FRMPD4: variants seen among roughly 807,000 people sequenced by gnomAD.
The protein encoded by FRMPD4 is FERM and PDZ domain-containing protein 4.
FRMPD4 carries 22 observed loss-of-function variants against 94.1 expected under a neutral mutation model. The ratio of observed to expected loss-of-function variants is 0.23; its 90% CI spans 0.17 to 0.33. The LOEUF is 0.33. Ranked by LOEUF, FRMPD4 falls within the 10% of genes least tolerant of loss-of-function variation. The pLI is 1.00. For missense variants in FRMPD4, 1,111 were observed against 1,339.9 expected (o/e 0.83, Z 2.67); for synonymous variants, 631 against 548.6 (o/e 1.15, Z -2.10).
upstream of FRMPD4, among the ~76,000 whole-genome samples, chrX:12,133,475 A>G (rs1310649040): frequency 9.1e-6 from 1 of 110,376 alleles, no homozygotes; most frequent in Non-Finnish European, 1.9e-5. Flanking sequence ...CCCAGGCTGG[A>G]GTGCAGTAGC....
At chrX:12,483,919 C>T (rs2057714343) in intron 1 of FRMPD4, among the ~76,000 whole-genome samples, 1 of 111,400 alleles carries the variant, frequency 9.0e-6, no homozygotes, top group South Asian at 3.7e-4. Context: ...TAAGTATTAA[C>T]TTTAAGTAAA....
At chrX:12,475,149 T>G (rs1319177123) in intron 1 of FRMPD4, among the ~76,000 whole-genome samples, 1 of 112,211 alleles carries the variant, frequency 8.9e-6, no homozygotes, top group African/African-American at 3.2e-5. Flanking sequence ...GATGCAAGGC[T>G]GGTTCAACAT....
At chrX:12,635,199 A>T (rs1290924006) in intron 4 of FRMPD4, among the ~76,000 whole-genome samples, 1 of 111,774 alleles carries the variant, frequency 8.9e-6, no homozygotes, top group African/African-American at 3.2e-5. Flanking sequence ...CGTAACTAGT[A>T]AGAGCCTTTC....
rs191865399 is a variant in FRMPD4 at position 12,596,692 on chromosome X, C to A, written c.159-13029C>A. On this transcript the variant is annotated intron_variant, in intron 2 of 16. Transcript: ENST00000675598. The stretch of plus-strand genomic sequence containing the variant: ...CATTGACATGATCTGAAGATCCCTA[C>A]CCCTGGATCCTACCCAGTATCTCAG... Among the ~76,000 whole-genome samples, 13 of 110,989 alleles carry A rather than the reference C, an allele frequency of 1.2e-4. No homozygotes were observed. The East Asian group carries it at 3.7e-3, about 32-fold the overall frequency.
chrX:12,713,342 T>A (rs1280326060), intron 14 of FRMPD4, among the ~76,000 whole-genome samples: 1 of 111,493 alleles, frequency 9.0e-6, no homozygotes, highest in Non-Finnish European at 1.9e-5. Flanking sequence ...ACATAAGGTT[T>A]AATAGAACTT....
intron 1 of FRMPD4, among the ~76,000 whole-genome samples, chrX:12,418,648 G>A (rs986134593): frequency 2.7e-5 from 3 of 109,948 alleles, no homozygotes; most frequent in South Asian, 3.8e-4. Flanking sequence ...GTGAGTCACC[G>A]CACCTGGCCA....
At chrX:12,183,193 G>T (rs751135140) in intron 1 of FRMPD4, among the ~76,000 whole-genome samples, 1 of 111,482 alleles carries the variant, frequency 9.0e-6, no homozygotes, top group Non-Finnish European at 1.9e-5. Context: ...CACACCTGCC[G>T]AGATTCACAG....
intron 2 of FRMPD4, among the ~76,000 whole-genome samples, chrX:12,594,395 C>A (rs1377908542): frequency 9.0e-6 from 1 of 110,959 alleles, no homozygotes; most frequent in Non-Finnish European, 1.9e-5. Flanking sequence ...ATTGACTTTC[C>A]ACATAGATAC....
intron 3 of FRMPD4, among the ~76,000 whole-genome samples, chrX:11,906,159 T>TTTA (rs2053966831): frequency 3.0e-5 from 1 of 33,171 alleles, no homozygotes; most frequent in East Asian, 1.3e-3. Context: ...TTATTTATTT[T>TTTA]TCTTTTGAGA....
chrX:11,892,459 C>T (rs900043147), intron 3 of FRMPD4, among the ~76,000 whole-genome samples: 1 of 112,017 alleles, frequency 8.9e-6, no homozygotes, highest in Non-Finnish European at 1.9e-5. Flanking sequence ...AGTGGAATCC[C>T]TCTTGATCTT....
intron 1 of FRMPD4, among the ~76,000 whole-genome samples, chrX:12,353,227 C>T (rs2055842190): frequency 8.9e-6 from 1 of 111,869 alleles, no homozygotes; most frequent in Admixed American, 9.5e-5. Context: ...GGAATGTTCT[C>T]ACTGGTAGTA....
rs1207352563 is a variant in FRMPD4, at chrX:12,332,205, TATAGAGAGAG to T, written c.42-166473_42-166464del. Among the ~76,000 whole-genome samples, 535 of 65,967 alleles carry T rather than the reference TATAGAGAGAG, an allele frequency of 8.1e-3. 30 individuals are homozygous for T. The highest frequency in any genetic ancestry group is 0.032 in the African/African-American group (383 of 11,808). 57.3% of individuals were successfully genotyped at this position (65,967 alleles called of 115,157 possible). On this transcript the variant is annotated intron_variant, in intron 1 of 16. Coordinates refer to ENST00000675598, the MANE Select transcript of FRMPD4 (RefSeq NM_001368397.1). ...AATTTATATTTTATATATATATATA[TATAGAGAGAG>T]AGAGAGAGAGAGAGAGAGAGAGAGA...
intron 2 of FRMPD4, among the ~76,000 whole-genome samples, chrX:12,547,108 T>C (rs1393515219): frequency 1.9e-5 from 2 of 107,778 alleles, no homozygotes; most frequent in Non-Finnish European, 1.9e-5. Context: ...CATGTAAATA[T>C]GGCAAGACCT....
At chrX:11,968,598 G>C (rs770758784) in intron 3 of FRMPD4, among the ~76,000 whole-genome samples, 1 of 111,080 alleles carries the variant, frequency 9.0e-6, no homozygotes, top group Non-Finnish European at 1.9e-5. Flanking sequence ...TCAATCCCCC[G>C]TATGGCCTGC....
At chrX:12,179,964 A>C (rs745665678) in intron 1 of FRMPD4, among the ~76,000 whole-genome samples, 3 of 109,324 alleles carry the variant, frequency 2.7e-5, no homozygotes, top group African/African-American at 1.0e-4. Flanking sequence ...ATTAACTGTC[A>C]TGGATAATAC....
chrX:11,927,483 C>G (rs2054095789), intron 3 of FRMPD4, among the ~76,000 whole-genome samples: 1 of 111,720 alleles, frequency 9.0e-6, no homozygotes, highest in Non-Finnish European at 1.9e-5. Flanking sequence ...CATCACACTA[C>G]CCAACATCAA....
At chrX:12,515,064 T>C (rs775524473) in intron 2 of FRMPD4, among the ~76,000 whole-genome samples, 2 of 112,104 alleles carry the variant, frequency 1.8e-5, no homozygotes, top group East Asian at 5.6e-4. Flanking sequence ...AGTGGTGATA[T>C]CCCCTTTATT....
intron 1 of FRMPD4, among the ~76,000 whole-genome samples, chrX:12,480,333 G>GAAAAAAAAAAA (rs35074731): frequency 9.9e-4 from 54 of 54,605 alleles, no homozygotes; most frequent in African/African-American, 1.7e-3. Flanking sequence ...GAAAAGAAAT[G>GAAAAAAAAAAA]AAAAAAAAAA....
intron 5 of FRMPD4, among the ~76,000 whole-genome samples, chrX:12,677,882 A>T (rs1029080039): frequency 1.9e-4 from 21 of 111,924 alleles, no homozygotes; most frequent in African/African-American, 3.3e-4. Context: ...TGCATTTTTT[A>T]AAAAAAGTAT....
Sources: allele counts gnomAD v4.1 joint callset (sites outside exome capture counted in the v4.1 genomes callset), GRCh38; gene constraint gnomAD v4.1.1; transcripts MANE v1.5; gene names NCBI Gene and HGNC (gene_info 2026-07-23, HGNC 2026-07-21).